Variants in DOCK2 observed in about 807,000 individuals in gnomAD.
DOCK2 encodes dedicator of cytokinesis 2.
DOCK2 carries 87 observed loss-of-function variants against 248.9 expected under a neutral mutation model. That is an observed-to-expected ratio of 0.35 (90% CI 0.29 to 0.42). The LOEUF (loss-of-function observed/expected upper bound fraction) is 0.42, where lower values mean the gene tolerates loss of function less well. DOCK2 is among the 10% of genes least tolerant of loss of function. DOCK2 has a pLI of 1.00. For missense variants in DOCK2, 1,747 were observed against 2,300.2 expected (o/e 0.76, Z 4.92); for synonymous variants, 805 against 821.6 (o/e 0.98, Z 0.35).
At chr5:169,744,345 T>G (rs1257015947) in intron 22 of DOCK2, among the ~76,000 whole-genome samples, 1 of 152,188 alleles carries the variant, frequency 6.6e-6, no homozygotes, top group Non-Finnish European at 1.5e-5. Flanking sequence ...TCCAGTTCAG[T>G]CACATAATAT....
At chr5:170,032,643 T>C (rs993455536) in intron 34 of DOCK2, among the ~76,000 whole-genome samples, 3 of 152,190 alleles carry the variant, frequency 2.0e-5, no homozygotes, top group African/African-American at 7.2e-5. Flanking sequence ...GGAGGAGGCA[T>C]GCACAGCTGT....
chr5:169,941,994 A>C (rs1407363846), intron 27 of DOCK2, among the ~76,000 whole-genome samples: 4 of 152,268 alleles, frequency 2.6e-5, no homozygotes, highest in African/African-American at 9.6e-5. Flanking sequence ...TCAGTTTCAC[A>C]TCTGTTCTGT....
Position 169,985,647 on chromosome 5 carries a change from C to T in DOCK2, c.2899-181C>T, listed in dbSNP as rs113397982. On this transcript the variant is annotated intron_variant, in intron 28 of 51. Coordinates refer to ENST00000520908, the MANE Select transcript of DOCK2 (RefSeq NM_004946.3). ...GCATCCCATATTCATGTTCCACTGA[C>T]ATTTGGGAAACAGCATTCCAGCATT... Among the ~76,000 whole-genome samples the T allele has an allele frequency of 6.8e-3, 1,032 of 152,244 alleles. 10 individuals are homozygous for T. The highest frequency in any genetic ancestry group is 0.041 in the Middle Eastern group (12 of 294).
rs1043443357 is a variant in DOCK2 at position 169,663,224 on chromosome 5, G to A, written c.128-6064G>A. On this transcript the variant is annotated intron_variant, in intron 2 of 51. Coordinates refer to ENST00000520908, the MANE Select transcript of DOCK2 (RefSeq NM_004946.3). ...CACATCTATGCAAGGCCACATTGATGCAAGGGATGGGTCCCCAAGGCCTTG... is the reference window on the plus strand; with the variant it reads ...CACATCTATGCAAGGCCACATTGATACAAGGGATGGGTCCCCAAGGCCTTG... Among the ~76,000 whole-genome samples, 3 of 152,238 alleles carry A rather than the reference G, an allele frequency of 2.0e-5. No individual in the cohort carries two copies. In the South Asian group the frequency reaches 6.2e-4, roughly 32 times the overall value.
At chr5:169,712,970 C>A (rs948241101) in intron 17 of DOCK2, among the ~76,000 whole-genome samples, 1 of 152,250 alleles carries the variant, frequency 6.6e-6, no homozygotes, top group African/African-American at 2.4e-5. Flanking sequence ...GAGTAGCCAG[C>A]ACATGGATCA....
intron 22 of DOCK2, among the ~76,000 whole-genome samples, chr5:169,725,153 A>G (rs2113595384): frequency 6.6e-6 from 1 of 152,288 alleles, no homozygotes; most frequent in Admixed American, 6.5e-5. Context: ...AATGCCATTT[A>G]TTTCTGTGTA....
At chr5:170,079,619 G>T (rs181040358) in intron 49 of DOCK2, 1 of 168,952 alleles carries the variant, frequency 5.9e-6, no homozygotes, top group Non-Finnish European at 1.3e-5. Flanking sequence ...GGCTTTGAGA[G>T]TGTTGGTCTT....
intron 41 of DOCK2, 130 bp from the exon 42 acceptor site, chr5:170,055,175 C>A: frequency 2.4e-6 from 2 of 816,562 alleles, no homozygotes; most frequent in Non-Finnish European, 4.0e-6. Flanking sequence ...CAGCCAGCAA[C>A]CTGAGGTTCA....
chr5:169,949,641 C>A (rs1561845725), intron 27 of DOCK2, among the ~76,000 whole-genome samples: 1 of 111,708 alleles, frequency 9.0e-6, no homozygotes, highest in South Asian at 2.4e-4. Flanking sequence ...AATTTGATTT[C>A]TTTGGGCTGT....
At chr5:169,843,315 A>T (rs1248829285) in intron 27 of DOCK2, among the ~76,000 whole-genome samples, 5 of 147,082 alleles carry the variant, frequency 3.4e-5, no homozygotes, top group Non-Finnish European at 3.0e-5. Flanking sequence ...CCTTTTTTTT[A>T]AAAGCAGTTT....
chr5:169,741,903 G>A (rs927092984), intron 22 of DOCK2, among the ~76,000 whole-genome samples: 6 of 149,216 alleles, frequency 4.0e-5, no homozygotes, highest in South Asian at 2.1e-4. Flanking sequence ...TCTGCCTCCC[G>A]GGTTCACGCC....
At chr5:169,915,491 T>G (rs997767727) in intron 27 of DOCK2, among the ~76,000 whole-genome samples, 34 of 151,954 alleles carry the variant, frequency 2.2e-4, no homozygotes, top group Admixed American at 2.2e-3. Context: ...TCAGATGTTT[T>G]AATGATTTTG....
At chr5:169,807,906 A>G (rs1039363075) in intron 26 of DOCK2, among the ~76,000 whole-genome samples, 6 of 151,554 alleles carry the variant, frequency 4.0e-5, no homozygotes, top group African/African-American at 1.5e-4. Context: ...AATGGCAAAT[A>G]TTTCAAACAC....
chr5:169,994,819 A>T (rs138714953), intron 29 of DOCK2, among the ~76,000 whole-genome samples: 2 of 152,182 alleles, frequency 1.3e-5, no homozygotes, highest in Non-Finnish European at 2.9e-5. Context: ...GTGGAGAGCC[A>T]TGAAGTCAAT....
chr5:169,804,164 A>G (rs935310207), intron 26 of DOCK2, among the ~76,000 whole-genome samples: 2 of 152,134 alleles, frequency 1.3e-5, no homozygotes, highest in Admixed American at 6.5e-5. Context: ...TCTGCAGAGC[A>G]ATGTTCCTTT....
chr5:169,681,392 G>A (rs1160551643), intron 6 of DOCK2, among the ~76,000 whole-genome samples: 2 of 151,320 alleles, frequency 1.3e-5, no homozygotes, highest in African/African-American at 4.9e-5. Context: ...CCAAAGTGCT[G>A]GGATTACAGG....
chr5:169,981,919 C>T (rs1285772224), intron 27 of DOCK2, among the ~76,000 whole-genome samples: 1 of 152,042 alleles, frequency 6.6e-6, no homozygotes, highest in Non-Finnish European at 1.5e-5. Context: ...ATGCGACTGG[C>T]TTGATTGTGA....
intron 2 of DOCK2, among the ~76,000 whole-genome samples, chr5:169,658,746 A>C (rs534566781): frequency 1.7e-4 from 26 of 151,416 alleles, no homozygotes; most frequent in Non-Finnish European, 2.4e-4. Context: ...AACAAACAAA[A>C]AAAAATACAG....
chr5:169,917,649 G>A (rs1171021409), intron 27 of DOCK2, among the ~76,000 whole-genome samples: 1 of 152,182 alleles, frequency 6.6e-6, no homozygotes, highest in African/African-American at 2.4e-5. Flanking sequence ...AAGTCCCAAA[G>A]GAATCAGACA....
Sources: allele counts gnomAD v4.1 joint callset (sites outside exome capture counted in the v4.1 genomes callset), GRCh38; gene constraint gnomAD v4.1.1; transcripts MANE v1.5; gene names NCBI Gene and HGNC (gene_info 2026-07-23, HGNC 2026-07-21).